The following USP24 variants were observed in gnomAD, a reference collection of about 807,000 sequenced individuals.
USP24 encodes the protein ubiquitin carboxyl-terminal hydrolase 24.
In USP24, 97 loss-of-function variants were observed where a neutral mutation model predicts 361.6. That is an observed-to-expected ratio of 0.27 (90% CI 0.23 to 0.32). The LOEUF (loss-of-function observed/expected upper bound fraction) is 0.32. Ranked by LOEUF, USP24 falls within the 10% of genes least tolerant of loss-of-function variation. USP24 has a pLI of 1.00. For missense variants in USP24, 2,353 were observed against 3,165.6 expected, an observed-to-expected ratio of 0.74 and a Z score of 6.16; for synonymous variants, 1,098 against 1,124.6, an observed-to-expected ratio of 0.98 and a Z score of 0.47.
At chr1:55,137,978 T>A in intron 26 of USP24, 74 bp from the exon 27 acceptor site, 1 of 1,385,134 alleles carries the variant, frequency 7.2e-7, no homozygotes, top group East Asian at 2.5e-5. Flanking sequence ...AGTGAACATC[T>A]ACTAGGTACT....
chr1:55,072,599 A>G (rs1242569289), intron 65 of USP24, among the ~76,000 whole-genome samples, 187 bp downstream of exon 65: 2 of 152,180 alleles, frequency 1.3e-5, no homozygotes, highest in Non-Finnish European at 2.9e-5. Flanking sequence ...CTTTTCCCCT[A>G]TGAAGTTAAG....
chr1:55,096,042 T>C (rs1449325765), intron 50 of USP24, among the ~76,000 whole-genome samples: 14 of 152,222 alleles, frequency 9.2e-5, no homozygotes, highest in Non-Finnish European at 1.9e-4. Flanking sequence ...GGAGTGGGGA[T>C]TGTAGAGGGA....
At chr1:55,127,254 T>TC in intron 32 of USP24, among the ~76,000 whole-genome samples, 1 of 152,226 alleles carries the variant, frequency 6.6e-6, no homozygotes, top group East Asian at 1.9e-4. Context: ...AGTGTGATGT[T>TC]CCCCTTCCTG....
At chr1:55,092,701 C>G (rs1318985281) in intron 53 of USP24, 120 bp downstream of exon 53, 4 of 724,642 alleles carry the variant, frequency 5.5e-6, no homozygotes, top group Non-Finnish European at 6.7e-6. Context: ...ACGGGAAAAC[C>G]TTTTTGCATC....
At chr1:55,172,179 T>C (rs1649522666) in intron 4 of USP24, among the ~76,000 whole-genome samples, 198 bp downstream of exon 4, 1 of 152,156 alleles carries the variant, frequency 6.6e-6, no homozygotes, top group Non-Finnish European at 1.5e-5. Context: ...GAAAAACCCA[T>C]TAAAATTAGA....
chr1:55,206,946 C>A (rs1024978478), intron 1 of USP24, among the ~76,000 whole-genome samples: 2 of 152,064 alleles, frequency 1.3e-5, no homozygotes, highest in African/African-American at 2.4e-5. Flanking sequence ...GCAGGCAGAT[C>A]GCCTGAGCTG....
At chr1:55,097,479 T>C (rs865874055) in intron 48 of USP24, 119 bp downstream of exon 48, 20 of 1,410,586 alleles carry the variant, frequency 1.4e-5, no homozygotes, top group Middle Eastern at 2.6e-4. Context: ...GGGCTCTTCA[T>C]AATGCTGAGA....
At chr1:55,093,265 T>C (rs1432272628) in intron 52 of USP24, among the ~76,000 whole-genome samples, 1 of 152,244 alleles carries the variant, frequency 6.6e-6, no homozygotes, top group Non-Finnish European at 1.5e-5. Context: ...TTATGTCAGA[T>C]GGCTTAATTC....
Position 55,110,585 on chromosome 1 carries a change from C to G in USP24, c.4509-339G>C, listed in dbSNP as rs553020442. 2.0e-5 allele frequency among the ~76,000 whole-genome samples: 3 copies of G among 152,272 alleles called. No homozygotes were observed. The South Asian group carries it at 6.2e-4, about 32-fold the overall frequency. On this transcript the variant is annotated intron_variant, in intron 38 of 67. Transcript: ENST00000294383. ...ACTAAGCACCTACAAATGCCTGGAACTGTTTTGGGAGATTAGTGAACTTAA... is the reference window on the plus strand; with the variant it reads ...ACTAAGCACCTACAAATGCCTGGAAGTGTTTTGGGAGATTAGTGAACTTAA...
chr1:55,110,275 A>G, intron 38 of USP24, 29 bp from the exon 39 acceptor site: 8 of 1,483,400 alleles, frequency 5.4e-6, no homozygotes, highest in African/African-American at 4.3e-5. Flanking sequence ...TCAGTTACTA[A>G]TAAGAGGCTG....
intron 56 of USP24, among the ~76,000 whole-genome samples, chr1:55,084,913 G>T (rs11805361): frequency 2.4e-4 from 36 of 152,168 alleles, no homozygotes; most frequent in African/African-American, 7.7e-4. Context: ...CACTAACTCT[G>T]CCTTTATCCT....
At chr1:55,135,549 G>A (rs1472293949) in intron 28 of USP24, among the ~76,000 whole-genome samples, 5 of 152,158 alleles carry the variant, frequency 3.3e-5, no homozygotes, top group African/African-American at 1.2e-4. Flanking sequence ...TGAATTTAGT[G>A]TTTGGATTTG....
rs1236749785 is a variant in USP24 at position 55,141,248 on chromosome 1, G to T, written c.2750+368C>A. Among the ~76,000 whole-genome samples the T allele has an allele frequency of 2.0e-5, 3 of 152,056 alleles. No homozygotes were observed. In the East Asian group the frequency reaches 5.8e-4, roughly 29 times the overall value. The stretch of plus-strand genomic sequence containing the variant: ...ATATCTAAGTAAATATTTTTAACTT[G>T]AAAAAAAGTAGTTTTCATACAATGT... On this transcript the variant is annotated intron_variant, in intron 24 of 67. Transcript: ENST00000294383.
intron 37 of USP24, 121 bp downstream of exon 37, chr1:55,121,315 G>A (rs1646274370): frequency 2.5e-6 from 2 of 812,024 alleles, no homozygotes; most frequent in Non-Finnish European, 3.8e-6. Flanking sequence ...CAGCCCCTTC[G>A]TACACTCCCT....
intron 36 of USP24, 71 bp downstream of exon 36, chr1:55,123,376 T>C (rs1435619070): frequency 7.1e-7 from 1 of 1,414,198 alleles, no homozygotes; most frequent in African/African-American, 1.5e-5. Flanking sequence ...TAGGAAGAAA[T>C]GTAAAGAATT....
chr1:55,158,755 T>C, intron 10 of USP24, 123 bp downstream of exon 10: 2 of 882,542 alleles, frequency 2.3e-6, no homozygotes, highest in Non-Finnish European at 3.0e-6. Flanking sequence ...ACAATCATTC[T>C]CTTTTTTATA....
rs188991465 is a variant in USP24 at position 55,083,968 on chromosome 1, C to A, written c.6766-80G>T. On this transcript the variant is annotated intron_variant, in intron 56 of 67. Transcript: ENST00000294383. Reference sequence around the variant, plus strand: ...TATAACAGGATTAATTTGAGGTAAACCACCATAAGAACAAAAGGAAAGTCT... The same window carrying A: ...TATAACAGGATTAATTTGAGGTAAAACACCATAAGAACAAAAGGAAAGTCT... The A allele has an allele frequency of 1.5e-3, 1,719 of 1,130,026 alleles. 2 individuals carry two copies. The highest frequency in any genetic ancestry group is 2.0e-3 in the Non-Finnish European group (1,552 of 785,314). The allele number at this position is 1,130,026 out of a possible 1,614,324, so 70.0% of individuals were successfully genotyped here.
chr1:55,134,293 T>C, intron 29 of USP24, 35 bp downstream of exon 29: 1 of 1,596,696 alleles, frequency 6.3e-7, no homozygotes, highest in Non-Finnish European at 8.6e-7. Flanking sequence ...TTAGTAACTT[T>C]CTCTCTGCCA....
At chr1:55,194,594 CCT>C (rs1404405953) in intron 1 of USP24, among the ~76,000 whole-genome samples, 1 of 151,652 alleles carries the variant, frequency 6.6e-6, no homozygotes, top group East Asian at 1.9e-4. Context: ...AGAGGGAGAC[CCT>C]GTCTCAAAAA....
Sources: gnomAD v4.1 joint callset for allele counts (sites outside exome capture counted in the v4.1 genomes callset) on GRCh38, gnomAD v4.1.1 for gene constraint, MANE v1.5 for transcripts, NCBI Gene and HGNC (gene_info 2026-07-23, HGNC 2026-07-21) for gene names.